The following CFAP54 variants were observed in gnomAD, a reference collection of about 807,000 sequenced individuals.
CFAP54 encodes the protein cilia- and flagella-associated protein 54.
A neutral mutation model predicts 370.4 loss-of-function variants in CFAP54; 290 were observed. The ratio of observed to expected loss-of-function variants is 0.78; its 90% confidence interval spans 0.71 to 0.86. The LOEUF is 0.86. Among genes scored for constraint, CFAP54 ranks in the 40% least tolerant of loss-of-function variants. The probability of loss-of-function intolerance (pLI) is 0.00; values close to 1 mark genes in which losing one functional copy is unlikely to be tolerated. For synonymous variants in CFAP54, 1,206 were observed against 1,236.5 expected (o/e 0.98, Z 0.52); for missense variants, 3,399 against 3,528.7 (o/e 0.96, Z 0.93).
At chr12:96,518,690 CAAAT>C (rs746003827) in intron 5 of CFAP54, among the ~76,000 whole-genome samples, 25 of 152,096 alleles carry the variant, frequency 1.6e-4, no homozygotes, top group Non-Finnish European at 2.8e-4. Context: ...TGTCTAAAAA[CAAAT>C]AAACAAACAA....
intron 3 of CFAP54, among the ~76,000 whole-genome samples, chr12:96,506,703 C>T (rs1219735721): frequency 6.6e-6 from 1 of 151,688 alleles, no homozygotes; most frequent in Non-Finnish European, 1.5e-5. Flanking sequence ...TCTCCTGCCT[C>T]AGCCTCCTGA....
At chr12:96,662,376 T>C (rs1957005135) in intron 38 of CFAP54, among the ~76,000 whole-genome samples, 1 of 152,076 alleles carries the variant, frequency 6.6e-6, no homozygotes, top group Non-Finnish European at 1.5e-5. Context: ...GGCTGATTTT[T>C]GTATTTTTAG....
Position 96,592,513 on chromosome 12 carries a change from A to C in CFAP54, c.3236A>C (p.Glu1079Ala), listed in dbSNP as rs1352975155. 5 of 746,484 alleles carry C rather than the reference A, an allele frequency of 6.7e-6. No homozygotes were observed. The South Asian group carries it at 1.1e-4, about 16-fold the overall frequency. 46.2% of individuals were successfully genotyped at this position (746,484 alleles called of 1,614,324 possible). Residue 1079 changes from glutamate to alanine, a missense_variant, in exon 24 of 68, where the codon GAG becomes GCG. By Grantham distance (107) the Glu-to-Ala change is moderately radical. Transcript: ENST00000524981. ...AGATTACATTCAGATATTTTGGCAG[A>C]GACTTCTTCAATCCTCTTGTACCTT... is the stretch of plus-strand genomic sequence containing the variant. The part of the protein sequence containing the change: ...QRRLHSDILA[E>A]TSSILLYLFL...
At chr12:96,867,277 C>T (rs1960029589) in intron 67 of CFAP54, among the ~76,000 whole-genome samples, 1 of 152,122 alleles carries the variant, frequency 6.6e-6, no homozygotes, top group African/African-American at 2.4e-5. Flanking sequence ...AATGTCCTTT[C>T]TCTTTATTTA....
At chr12:96,795,759 T>C (rs1463278283) in intron 63 of CFAP54, among the ~76,000 whole-genome samples, 2 of 152,150 alleles carry the variant, frequency 1.3e-5, no homozygotes, top group African/African-American at 4.8e-5. Flanking sequence ...TCTACTTCTG[T>C]GCTTGTGTCT....
At chr12:96,828,579 T>C (rs1188786098) in intron 65 of CFAP54, among the ~76,000 whole-genome samples, 1 of 152,112 alleles carries the variant, frequency 6.6e-6, no homozygotes, top group East Asian at 1.9e-4. Context: ...CCCTTGTGGA[T>C]TGGGTGTCCA....
At chr12:96,695,951 A>G (rs996951123) in intron 45 of CFAP54, among the ~76,000 whole-genome samples, 4 of 152,194 alleles carry the variant, frequency 2.6e-5, no homozygotes, top group Admixed American at 6.5e-5. Flanking sequence ...CAAGACAATA[A>G]TGTTGGTACC....
intron 26 of CFAP54, among the ~76,000 whole-genome samples, chr12:96,614,858 A>G (rs1956398518): frequency 6.6e-6 from 1 of 152,252 alleles, no homozygotes; most frequent in African/African-American, 2.4e-5. Context: ...ATGAAATAAA[A>G]GAGGACACAA....
chr12:96,633,388 T>C (rs115551091), intron 32 of CFAP54, among the ~76,000 whole-genome samples: 1,553 of 152,346 alleles, frequency 0.01, 31 homozygotes, highest in African/African-American at 0.035. Context: ...TGTACAACTA[T>C]AGTACAATAT....
chr12:96,850,001 A>C (rs1959490480), intron 66 of CFAP54, among the ~76,000 whole-genome samples: 1 of 152,170 alleles, frequency 6.6e-6, no homozygotes, highest in Non-Finnish European at 1.5e-5. Context: ...TACAACAAGC[A>C]AGCAAACATA....
chr12:96,853,761 GA>G (rs1959622060), intron 66 of CFAP54, among the ~76,000 whole-genome samples: 1 of 152,094 alleles, frequency 6.6e-6, no homozygotes, highest in South Asian at 2.1e-4. Flanking sequence ...GTTCTCCTGA[GA>G]ACCAACAAGG....
chr12:96,566,527 A>G (rs539194139), intron 19 of CFAP54, among the ~76,000 whole-genome samples: 2 of 152,290 alleles, frequency 1.3e-5, no homozygotes, highest in African/African-American at 2.4e-5. Context: ...TTAAAAGTTT[A>G]TGGCTTTAAA....
At chr12:96,536,583 A>T (rs1362188104) in intron 12 of CFAP54, among the ~76,000 whole-genome samples, 3 of 151,522 alleles carry the variant, frequency 2.0e-5, no homozygotes, top group African/African-American at 7.3e-5. Flanking sequence ...TTAAAAAGGT[A>T]GGGAACTTTC....
intron 66 of CFAP54, among the ~76,000 whole-genome samples, chr12:96,831,065 T>A (rs1448337671): frequency 6.6e-6 from 1 of 152,220 alleles, no homozygotes. Context: ...TTATTGTTAG[T>A]AAGGCTAAGT....
intron 39 of CFAP54, among the ~76,000 whole-genome samples, chr12:96,675,519 A>G (rs1199266591): frequency 6.6e-6 from 1 of 152,238 alleles, no homozygotes; most frequent in Non-Finnish European, 1.5e-5. Flanking sequence ...CCATTGTGGA[A>G]GTCAGTGTGG....
intron 60 of CFAP54, among the ~76,000 whole-genome samples, chr12:96,772,926 T>C (rs921313945): frequency 7.2e-5 from 11 of 152,184 alleles, no homozygotes; most frequent in Non-Finnish European, 1.5e-4. Context: ...GCAATCTTAA[T>C]TCTCCTTTGC....
In CFAP54 at chr12:96,744,079, A is replaced by G; in HGVS notation, c.7617A>G (p.Pro2539=). 3 of 1,610,814 alleles carry G rather than the reference A, an allele frequency of 1.9e-6. No individual in the cohort carries two copies. The highest frequency in any genetic ancestry group is 1.7e-6 in the Non-Finnish European group (2 of 1,177,578). The change falls in exon 55 of 68, where the codon CCA becomes CCG. Residue 2539 remains proline, a synonymous_variant. Transcript: ENST00000524981. Reference sequence around the variant, plus strand: ...CATCAAACACTAAATATGCAAATCCATTACAGCCTTTGAAAAATATCTATC... The same window carrying G: ...CATCAAACACTAAATATGCAAATCCGTTACAGCCTTTGAAAAATATCTATC... The part of the protein sequence containing the change: ...FRSSNTKYAN[P]LQPLKNIYLP...
At position 96,784,793 on chromosome 12, in the gene CFAP54, T is replaced by C. The variant is rs765678741; in HGVS notation, c.8358T>C (p.Gly2786=). ...QNDDVCDSAD[G]RKKTQTKVDI... The stretch of plus-strand genomic sequence containing the variant: ...ATGATGTGTGTGACAGCGCAGATGG[T>C]AGAAAAAAGACTCAGACCAAAGTGG... The change falls in exon 61 of 68, where the codon GGT becomes GGC. Residue 2786 remains glycine (G), a synonymous_variant. Coordinates refer to ENST00000524981, the MANE Select transcript of CFAP54 (RefSeq NM_001306084.2). 150 of 1,534,820 alleles carry C rather than the reference T, an allele frequency of 9.8e-5. No homozygotes were observed. The highest frequency in any genetic ancestry group is 3.3e-4 in the Middle Eastern group (2 of 6,008).
chr12:96,506,092 C>A (rs1355012598), intron 3 of CFAP54, among the ~76,000 whole-genome samples: 1 of 152,114 alleles, frequency 6.6e-6, no homozygotes, highest in Non-Finnish European at 1.5e-5. Flanking sequence ...GTAATCCTAG[C>A]ACTTTGGGAG....
Sources: allele counts gnomAD v4.1 joint callset (sites outside exome capture counted in the v4.1 genomes callset), GRCh38; gene constraint gnomAD v4.1.1; transcripts MANE v1.5; gene names NCBI Gene and HGNC (gene_info 2026-07-23, HGNC 2026-07-21).